The following GULP1 variants were observed in gnomAD, a reference collection of about 807,000 sequenced individuals.
The protein encoded by GULP1 is GULP PTB domain containing engulfment adaptor 1.
GULP1 carries 19 observed loss-of-function variants against 40.9 expected under a neutral mutation model. That is an observed-to-expected ratio of 0.46 (90% confidence interval 0.32 to 0.68). The LOEUF is 0.68. GULP1 is among the 30% of genes least tolerant of loss of function. The probability of loss-of-function intolerance (pLI) is 0.03; values close to 1 mark genes in which losing one functional copy is unlikely to be tolerated. For missense variants in GULP1, 312 were observed against 362.2 expected (o/e 0.86, Z 1.12); for synonymous variants, 119 against 117.6 (o/e 1.01, Z -0.08).
At chr2:188,389,240 G>A (rs2050195514) in intron 2 of GULP1, among the ~76,000 whole-genome samples, 1 of 152,092 alleles carries the variant, frequency 6.6e-6, no homozygotes, top group Non-Finnish European at 1.5e-5. Flanking sequence ...TCAAACCTTT[G>A]CTAGAGCACT....
chr2:188,451,801 C>T (rs1019107731), intron 2 of GULP1, among the ~76,000 whole-genome samples: 1 of 151,428 alleles, frequency 6.6e-6, no homozygotes, highest in Admixed American at 6.6e-5. Context: ...TTTTAAATTG[C>T]ACTAATGTAA....
chr2:188,411,524 C>T (rs1205217332), intron 2 of GULP1, among the ~76,000 whole-genome samples: 1 of 152,102 alleles, frequency 6.6e-6, no homozygotes, highest in Non-Finnish European at 1.5e-5. Flanking sequence ...GAGTGGTGTC[C>T]ACAGAAAGGG....
At chr2:188,525,528 A>G (rs1466804850) in intron 5 of GULP1, among the ~76,000 whole-genome samples, 1 of 152,186 alleles carries the variant, frequency 6.6e-6, no homozygotes, top group Non-Finnish European at 1.5e-5. Context: ...ATTTATATAT[A>G]TTTTATTAAT....
intron 2 of GULP1, among the ~76,000 whole-genome samples, chr2:188,428,144 T>G (rs964855763): frequency 2.0e-5 from 3 of 152,218 alleles, no homozygotes; most frequent in Non-Finnish European, 4.4e-5. Context: ...TTTGATCAAT[T>G]TCTCCCTTTC....
chr2:188,555,386 C>A (rs1027652724), intron 7 of GULP1, among the ~76,000 whole-genome samples: 1 of 152,114 alleles, frequency 6.6e-6, no homozygotes, highest in Non-Finnish European at 1.5e-5. Context: ...CTTCCTTGAA[C>A]AATTCATATA....
chr2:188,443,103 A>G (rs1337909473), intron 2 of GULP1, among the ~76,000 whole-genome samples: 1 of 149,690 alleles, frequency 6.7e-6, no homozygotes, highest in Admixed American at 6.6e-5. Flanking sequence ...GATTTGTATA[A>G]TGGTCTTGGG....
At chr2:188,503,652 C>T (rs1228867727) in intron 4 of GULP1, among the ~76,000 whole-genome samples, 1 of 151,842 alleles carries the variant, frequency 6.6e-6, no homozygotes, top group African/African-American at 2.4e-5. Flanking sequence ...CAATGTGGCC[C>T]AGGGAGGCCA....
At chr2:188,353,780 T>C (rs1308233671) in intron 1 of GULP1, among the ~76,000 whole-genome samples, 1 of 151,582 alleles carries the variant, frequency 6.6e-6, no homozygotes, top group Non-Finnish European at 1.5e-5. Flanking sequence ...GTGCCCTGTA[T>C]CCCAGAGAAA....
chr2:188,478,494 T>C lies in GULP1; in HGVS notation c.28+764T>C, dbSNP rs535151712. On this transcript the variant is annotated intron_variant, in intron 3 of 11. Coordinates refer to ENST00000409830, the MANE Select transcript of GULP1 (RefSeq NM_016315.4). ...ACATTATTGATGAATTGGGGAAGAATGCTTAAATAATGATAATCAAATTCA... is the reference window on the plus strand; with the variant it reads ...ACATTATTGATGAATTGGGGAAGAACGCTTAAATAATGATAATCAAATTCA... 2.5e-4 allele frequency among the ~76,000 whole-genome samples: 38 copies of C among 152,212 alleles called. 1 individual carries two copies. The South Asian group carries it at 3.1e-3, about 12-fold the overall frequency.
At chr2:188,362,868 C>G (rs1047722375) in intron 1 of GULP1, among the ~76,000 whole-genome samples, 8 of 151,564 alleles carry the variant, frequency 5.3e-5, no homozygotes, top group African/African-American at 1.9e-4. Flanking sequence ...GTGTAACAAC[C>G]GAAACATTTG....
At chr2:188,514,444 T>C (rs1383960876) in intron 4 of GULP1, among the ~76,000 whole-genome samples, 1 of 152,118 alleles carries the variant, frequency 6.6e-6, no homozygotes, top group Non-Finnish European at 1.5e-5. Flanking sequence ...TGAGGACTTA[T>C]TGTACAGAAA....
intron 2 of GULP1, among the ~76,000 whole-genome samples, chr2:188,422,925 C>G (rs984803609): frequency 6.6e-6 from 1 of 152,066 alleles, no homozygotes; most frequent in Non-Finnish European, 1.5e-5. Flanking sequence ...TCTGCTCTTT[C>G]GGTTTCCAGA....
At chr2:188,452,286 A>T (rs2058894675) in intron 2 of GULP1, among the ~76,000 whole-genome samples, 1 of 152,152 alleles carries the variant, frequency 6.6e-6, no homozygotes. Context: ...GAATCAGAGA[A>T]CTAGAAAAAC....
At chr2:188,469,627 T>C (rs1260755709) in intron 2 of GULP1, among the ~76,000 whole-genome samples, 1 of 152,174 alleles carries the variant, frequency 6.6e-6, no homozygotes, top group Non-Finnish European at 1.5e-5. Context: ...TGCATCCTTG[T>C]GTTCCAGATT....
chr2:188,421,159 C>G (rs1365661532), intron 2 of GULP1, among the ~76,000 whole-genome samples: 1 of 152,078 alleles, frequency 6.6e-6, no homozygotes, highest in Non-Finnish European at 1.5e-5. Flanking sequence ...AAAACTTAAA[C>G]ACTCCATTAA....
chr2:188,366,267 AC>A lies in GULP1; in HGVS notation c.-171-17495del, dbSNP rs150265286. 8.3e-3 allele frequency among the ~76,000 whole-genome samples: 1,262 copies of A among 151,552 alleles called. 28 individuals are homozygous for A. Among genetic ancestry groups the A allele is most frequent in the African/African-American group, 0.029 (1,189 of 40,886 alleles). On this transcript the variant is annotated intron_variant, in intron 1 of 11. Transcript: ENST00000409830. ...CAAAGCCCCCAAACACCCCATAAAA[AC>A]AAAAACCAAGAAACGGTTTACATGA...
intron 1 of GULP1, among the ~76,000 whole-genome samples, chr2:188,320,692 A>G (rs1179231987): frequency 1.3e-5 from 2 of 152,160 alleles, no homozygotes; most frequent in Admixed American, 1.3e-4. Context: ...TTAAGTATGT[A>G]TGGATTTTCT....
At chr2:188,565,394 T>C (rs1045992824) in intron 7 of GULP1, among the ~76,000 whole-genome samples, 5 of 151,950 alleles carry the variant, frequency 3.3e-5, no homozygotes, top group East Asian at 1.9e-4. Flanking sequence ...TACAGGGAGT[T>C]AGTTTATTAA....
At chr2:188,541,805 A>G (rs1312945299) in intron 7 of GULP1, 3 of 169,740 alleles carry the variant, frequency 1.8e-5, no homozygotes, top group African/African-American at 4.8e-5. Flanking sequence ...TTAGTTCCTT[A>G]TGTTCATTGT....
Sources: allele counts gnomAD v4.1 joint callset (sites outside exome capture counted in the v4.1 genomes callset), GRCh38; gene constraint gnomAD v4.1.1; transcripts MANE v1.5; gene names NCBI Gene and HGNC (gene_info 2026-07-23, HGNC 2026-07-21).